The following FCRL6 variants were observed in gnomAD, a reference collection of about 807,000 sequenced individuals.
FCRL6 encodes the protein Fc receptor-like protein 6.
In FCRL6, 50 loss-of-function variants were observed where a neutral mutation model predicts 49.1. The observed-to-expected ratio is 1.02, with a 90% CI of 0.81 to 1.29. FCRL6 has a LOEUF of 1.29. FCRL6 is among the 50% of genes most tolerant of loss of function. The pLI is 0.00. For synonymous variants in FCRL6, 213 were observed against 199.6 expected (o/e 1.07, Z -0.57); for missense variants, 571 against 518.5 (o/e 1.10, Z -0.98).
In FCRL6 at chr1:159,808,889, C is replaced by A. The variant is rs1662889478; in HGVS notation, c.320-72C>A. ...GGCTGCAGCCTGAGATGAGTAGAAG[C>A]TCAGGCCTCAGCCTCCTGGGGCTTC... is the stretch of plus-strand genomic sequence containing the variant. On this transcript the variant is annotated intron_variant, in intron 3 of 9. Transcript: ENST00000368106. 50 of 1,474,748 alleles carry A rather than the reference C, an allele frequency of 3.4e-5. No individual in the cohort carries two copies. In the South Asian group the frequency reaches 6.4e-4, roughly 19 times the overall value. The allele number at this position is 1,474,748 out of a possible 1,614,324, so 91.4% of individuals were successfully genotyped here. A position where few individuals can be genotyped will look rare whatever the true frequency, so the allele number is the denominator to read the frequency against.
At chr1:159,813,360 A>G in intron 6 of FCRL6, 129 bp from the exon 7 acceptor site, 3 of 736,544 alleles carry the variant, frequency 4.1e-6, no homozygotes, top group South Asian at 3.2e-5. Context: ...CCTGTGAACT[A>G]GCCCTCCTAA....
Position 159,809,733 on chromosome 1 carries a change from G to A in FCRL6, c.886+50G>A, listed in dbSNP as rs369172930. 6 of 1,534,924 alleles carry A rather than the reference G, an allele frequency of 3.9e-6. No individual in the cohort carries two copies. In the African/African-American group the frequency reaches 6.8e-5, roughly 17 times the overall value. ...TTTGAGCCCCAGCAAGCTGGCAGGG[G>A]TCAGATCTCACCCTCTGTGTACCTC... On this transcript the variant is annotated intron_variant, in intron 5 of 9. Coordinates refer to ENST00000368106, the MANE Select transcript of FCRL6 (RefSeq NM_001004310.3).
At chr1:159,811,631 C>T (rs972225716) in intron 6 of FCRL6, among the ~76,000 whole-genome samples, 1 of 152,206 alleles carries the variant, frequency 6.6e-6, no homozygotes, top group Non-Finnish European at 1.5e-5. Flanking sequence ...CTTCCTCTCC[C>T]CTTTTGAATA....
rs750427863 is a variant in FCRL6 at position 159,808,248 on chromosome 1, A to T, written c.123A>T (p.Gly41=). The T allele has an allele frequency of 1.2e-6, 2 of 1,613,346 alleles. No individual in the cohort carries two copies. The highest frequency in any genetic ancestry group is 1.1e-5 in the South Asian group (1 of 91,076). ...ATGCCCTGACTCTGCGATGTCAGGG[A>T]TGGAAGAATACACCACTGTCTCAGG... ...EGDALTLRCQ[G]WKNTPLSQVK... The change falls in exon 3 of 10, where the codon GGA becomes GGT. Residue 41 remains glycine, a synonymous_variant. Transcript: ENST00000368106.
At chr1:159,812,487 C>A (rs1663146932) in intron 6 of FCRL6, among the ~76,000 whole-genome samples, 1 of 152,244 alleles carries the variant, frequency 6.6e-6, no homozygotes, top group African/African-American at 2.4e-5. Context: ...GTAGCACTCA[C>A]CTGCATGTAC....
intron 8 of FCRL6, 143 bp downstream of exon 8, chr1:159,814,435 A>G (rs1663270282): frequency 4.6e-6 from 3 of 651,676 alleles, no homozygotes; most frequent in African/African-American, 3.6e-5. Flanking sequence ...ATTTATCTCC[A>G]TTATTGTCAC....
At chr1:159,809,974 C>A in intron 5 of FCRL6, 120 bp from the exon 6 acceptor site, 1 of 1,272,620 alleles carries the variant, frequency 7.9e-7, no homozygotes, top group Non-Finnish European at 1.1e-6. Flanking sequence ...ATCTATGAGG[C>A]TCCCCCAGGC....
chr1:159,812,200 C>A (rs928424385), intron 6 of FCRL6, among the ~76,000 whole-genome samples: 3 of 152,274 alleles, frequency 2.0e-5, no homozygotes, highest in Non-Finnish European at 4.4e-5. Context: ...CTCAGGCGCA[C>A]AAAATATTCT....
upstream of FCRL6, chr1:159,800,558 G>T (rs758332971): frequency 6.5e-7 from 1 of 1,545,238 alleles, no homozygotes; most frequent in Non-Finnish European, 8.8e-7. Context: ...GACAACTCAG[G>T]AGATCTGTTG....
At chr1:159,814,036 A>G (rs540323543) in intron 7 of FCRL6, among the ~76,000 whole-genome samples, 185 bp from the exon 8 acceptor site, 1 of 152,298 alleles carries the variant, frequency 6.6e-6, no homozygotes, top group African/African-American at 2.4e-5. Flanking sequence ...GCTGCAAAAA[A>G]AAAATGTTAA....
At chr1:159,807,595 C>G (rs887215776) in intron 2 of FCRL6, among the ~76,000 whole-genome samples, 3 of 152,180 alleles carry the variant, frequency 2.0e-5, no homozygotes, top group African/African-American at 7.2e-5. Context: ...GAGATGGAGG[C>G]TGGGCCTAAG....
chr1:159,814,030 CAA>C (rs35768123), intron 7 of FCRL6, among the ~76,000 whole-genome samples, 189 bp from the exon 8 acceptor site: 1 of 149,006 alleles, frequency 6.7e-6, no homozygotes. Flanking sequence ...AGGGAAGCTG[CAA>C]AAAAAAAATG....
chr1:159,809,111 A>T lies in FCRL6; in HGVS notation c.470A>T (p.Gln157Leu). ...TTCCACAAGGACGGCCACACCTTGC[A>T]GGACAGGGGCCCTCACCCAGAACTC... Reference protein sequence around the residue: ...FSFHKDGHTLQDRGPHPELCI... With the variant: ...FSFHKDGHTLLDRGPHPELCI... Residue 157 changes from glutamine to leucine, a missense_variant, in exon 4 of 10, where the codon CAG becomes CTG. Coordinates refer to ENST00000368106, the MANE Select transcript of FCRL6 (RefSeq NM_001004310.3). The T allele has an allele frequency of 6.2e-7, 1 of 1,614,110 alleles. No homozygotes were observed. The highest frequency in any genetic ancestry group is 8.5e-7 in the Non-Finnish European group (1 of 1,179,974).
chr1:159,806,491 G>C, intron 1 of FCRL6, 105 bp from the exon 2 acceptor site: 9 of 974,050 alleles, frequency 9.2e-6, no homozygotes, highest in Admixed American at 5.1e-5. Context: ...GTGGCCGGGT[G>C]GTTGGTTGAA....
chr1:159,808,267 T>C lies in FCRL6; in HGVS notation c.142T>C (p.Ser48Pro), dbSNP rs749590419. 66 of 1,613,602 alleles carry C rather than the reference T, an allele frequency of 4.1e-5. No homozygotes were observed. Among genetic ancestry groups the C allele is most frequent in the Admixed American group, 3.0e-4 (18 of 59,992 alleles). The change falls in exon 3 of 10, where the codon TCT becomes CCT. Residue 48 changes from serine to proline, a missense_variant. By Grantham distance (74) the Ser-to-Pro change is moderately conservative. Transcript: ENST00000368106. ...RCQGWKNTPL[S>P]QVKFYRDGKF... ...TCAGGGATGGAAGAATACACCACTGTCTCAGGTGAAGTTCTACAGAGATGG... is the reference window on the plus strand; with the variant it reads ...TCAGGGATGGAAGAATACACCACTGCCTCAGGTGAAGTTCTACAGAGATGG...
At chr1:159,811,810 A>T (rs1663101781) in intron 6 of FCRL6, among the ~76,000 whole-genome samples, 1 of 150,172 alleles carries the variant, frequency 6.7e-6, no homozygotes, top group Admixed American at 6.6e-5. Flanking sequence ...CAAACCAAAG[A>T]TCTGTGAGTT....
chr1:159,811,091 G>A (rs1253766292), intron 6 of FCRL6, among the ~76,000 whole-genome samples: 1 of 152,142 alleles, frequency 6.6e-6, no homozygotes. Context: ...TCAGATAAAC[G>A]ACATTTCAAG....
chr1:159,809,745 C>A, intron 5 of FCRL6, 62 bp downstream of exon 5: 1 of 1,394,240 alleles, frequency 7.2e-7, no homozygotes. Context: ...CAGATCTCAC[C>A]CTCTGTGTAC....
rs370839083 is a variant in FCRL6 at position 159,808,999 on chromosome 1, C to T, written c.358C>T (p.Pro120Ser). 5 of 1,613,532 alleles carry T rather than the reference C, an allele frequency of 3.1e-6. No homozygotes were observed. Among genetic ancestry groups the T allele is most frequent in the Non-Finnish European group, 3.4e-6 (4 of 1,179,698 alleles). Residue 120 changes from proline (P) to serine (S), a missense_variant, in exon 4 of 10, where the codon CCT becomes TCT. Physicochemically the swap from Pro to Ser is moderately conservative, Grantham distance 74. Transcript: ENST00000368106. ...TCCTGTGCTGAGTGCCATCCCCTCTCCTGAGCCCCGAGAGGGTAGCCTGGT... is the reference window on the plus strand; with the variant it reads ...TCCTGTGCTGAGTGCCATCCCCTCTTCTGAGCCCCGAGAGGGTAGCCTGGT... ...PPPVLSAIPS[P>S]EPREGSLVTL...
Sources: gnomAD v4.1 joint callset for allele counts (sites outside exome capture counted in the v4.1 genomes callset) on GRCh38, gnomAD v4.1.1 for gene constraint, MANE v1.5 for transcripts, NCBI Gene and HGNC (gene_info 2026-07-23, HGNC 2026-07-21) for gene names.